KALRN: variants seen among roughly 807,000 people sequenced by gnomAD.
KALRN encodes the protein kalirin RhoGEF kinase.
A neutral mutation model predicts 353.7 loss-of-function variants in KALRN; 70 were observed. That is an observed-to-expected ratio of 0.20 (90% CI 0.16 to 0.24). The LOEUF (loss-of-function observed/expected upper bound fraction) is 0.24, where lower values mean the gene tolerates loss of function less well. Ranked by LOEUF, KALRN falls within the 10% of genes least tolerant of loss-of-function variation. The pLI is 1.00. For missense variants in KALRN, 2,791 were observed against 3,756.7 expected (o/e 0.74, Z 6.72); for synonymous variants, 1,391 against 1,434.8 (o/e 0.97, Z 0.69).
intron 11 of KALRN, 90 bp from the exon 12 acceptor site, chr3:124,395,045 T>C: frequency 1.1e-6 from 1 of 938,014 alleles, no homozygotes; most frequent in Non-Finnish European, 1.7e-6. Context: ...TGAGAGTAAG[T>C]TGGGTGATTC....
intron 1 of KALRN, among the ~76,000 whole-genome samples, chr3:124,070,354 A>C (rs1371050655): frequency 6.6e-6 from 1 of 152,178 alleles, no homozygotes; most frequent in Non-Finnish European, 1.5e-5. Context: ...GTCCTTGCAG[A>C]ACCTGCTGGC....
chr3:124,693,929 A>G (rs1327591612), intron 52 of KALRN, 98 bp downstream of exon 52: 1 of 829,232 alleles, frequency 1.2e-6, no homozygotes, highest in Non-Finnish European at 1.9e-6. Context: ...ATGGTGATAT[A>G]GTTCTGTATC....
At position 124,661,907 on chromosome 3, in the gene KALRN, A is replaced by G. The variant is rs2084923134; in HGVS notation, c.6324A>G (p.Leu2108=). The G allele has an allele frequency of 6.2e-7, 1 of 1,613,954 alleles. No homozygotes were observed. Among genetic ancestry groups the G allele is most frequent in the Non-Finnish European group, 8.5e-7 (1 of 1,179,940 alleles). The change falls in exon 45 of 60, where the codon CTA becomes CTG. Residue 2108 remains leucine, a synonymous_variant. Coordinates refer to ENST00000682506, the MANE Select transcript of KALRN (RefSeq NM_001388419.1). The stretch of plus-strand genomic sequence containing the variant: ...AACGCTGCAATGACATGATGAATCT[A>G]GGACGTCTGCAGGGCTTTGAGGTGA... The part of the protein sequence containing the change: ...VPKRCNDMMN[L]GRLQGFEGTL...
In KALRN at chr3:124,496,432, C is replaced by A; in HGVS notation, c.4935+19C>A. ...TGACAAGGTAGGACAGAGTCCTAAC[C>A]TTCCTTCCCCTGAGACTTCTTGATG... is the stretch of plus-strand genomic sequence containing the variant. On this transcript the variant is annotated intron_variant, in intron 33 of 59. Transcript: ENST00000682506. 1.3e-6 allele frequency: 2 copies of A among 1,555,134 alleles called. No individual in the cohort carries two copies. Among genetic ancestry groups the A allele is most frequent in the Non-Finnish European group, 1.8e-6 (2 of 1,126,342 alleles).
chr3:124,329,334 A>G (rs554421205), intron 7 of KALRN, among the ~76,000 whole-genome samples: 103 of 152,252 alleles, frequency 6.8e-4, no homozygotes, highest in African/African-American at 2.5e-3. Flanking sequence ...AGACCTGTTG[A>G]GGGCAGTTTC....
chr3:124,413,609 A>T lies in KALRN; in HGVS notation c.2486A>T (p.Glu829Val). The T allele has an allele frequency of 6.2e-7, 1 of 1,614,136 alleles. No individual in the cohort carries two copies. The highest frequency in any genetic ancestry group is 8.5e-7 in the Non-Finnish European group (1 of 1,180,016). ...CTAGCCATGAACAACATGACCTTTG[A>T]GGTTATCCAGCAGGGACAGGATCTG... The part of the protein sequence containing the change: ...RKLAMNNMTF[E>V]VIQQGQDLHQ... Residue 829 changes from glutamate (E) to valine (V), a missense_variant, in exon 14 of 60, where the codon GAG becomes GTG. Coordinates refer to ENST00000682506, the MANE Select transcript of KALRN (RefSeq NM_001388419.1).
chr3:124,046,599 C>G (rs1188985235), intron 1 of KALRN, among the ~76,000 whole-genome samples: 1 of 152,212 alleles, frequency 6.6e-6, no homozygotes, highest in Non-Finnish European at 1.5e-5. Context: ...CTGACTCTTG[C>G]TCAGCCCTGG....
intron 34 of KALRN, among the ~76,000 whole-genome samples, chr3:124,623,291 GC>G (rs1328861729): frequency 6.6e-6 from 1 of 151,520 alleles, no homozygotes; most frequent in East Asian, 1.9e-4. Flanking sequence ...GAGCCGGTGC[GC>G]CTGGCCTATG....
At chr3:124,158,125 C>T (rs1462234212) in intron 1 of KALRN, among the ~76,000 whole-genome samples, 1 of 152,202 alleles carries the variant, frequency 6.6e-6, no homozygotes, top group Non-Finnish European at 1.5e-5. Context: ...CCGTCACACT[C>T]AGGGTTTGTT....
At chr3:124,174,362 A>G (rs1222704524) in intron 1 of KALRN, among the ~76,000 whole-genome samples, 1 of 152,086 alleles carries the variant, frequency 6.6e-6, no homozygotes, top group Middle Eastern at 3.2e-3. Context: ...TGAACCCGGG[A>G]GGCAGAGGTT....
rs529603650 is a variant in KALRN at position 124,717,514 on chromosome 3, G to A, written c.8415+129G>A. On this transcript the variant is annotated intron_variant, in intron 59 of 59. Transcript: ENST00000682506. ...ATCCTGGCTGACACGGTGAAACCCC[G>A]TCTCTACTAAAAATACAAAAAATAC... 256 of 520,880 alleles carry A rather than the reference G, an allele frequency of 4.9e-4. 1 individual carries two copies. The highest frequency in any genetic ancestry group is 2.2e-3 in the South Asian group (55 of 25,166). 32.3% of individuals were successfully genotyped at this position (520,880 alleles called of 1,614,324 possible).
intron 15 of KALRN, among the ~76,000 whole-genome samples, chr3:124,423,780 A>G (rs1217005839): frequency 6.6e-6 from 1 of 152,230 alleles, no homozygotes; most frequent in Non-Finnish European, 1.5e-5. Flanking sequence ...CTAAGGAAGA[A>G]GGATCACTTG....
chr3:124,114,320 G>T (rs553394909), intron 1 of KALRN, among the ~76,000 whole-genome samples: 2 of 152,312 alleles, frequency 1.3e-5, no homozygotes, highest in South Asian at 2.1e-4. Flanking sequence ...TTTCCCAGGG[G>T]TTCTTCTTTA....
At position 124,487,373 on chromosome 3, in the gene KALRN, C is replaced by T. The variant is rs146269792; in HGVS notation, c.4285-831C>T. ...ACAAAAGAAAGGACACACTCCCCAG[C>T]TCCCCAGGAGGTAAAAGAAAGAGGG... On this transcript the variant is annotated intron_variant, in intron 28 of 59. Transcript: ENST00000682506. Among the ~76,000 whole-genome samples the T allele has an allele frequency of 2.1e-4, 32 of 152,282 alleles. No individual in the cohort carries two copies. The East Asian group carries it at 5.8e-3, about 28-fold the overall frequency.
chr3:124,334,486 T>G lies in KALRN; in HGVS notation c.1638T>G (p.Asp546Glu). The change falls in exon 9 of 60, where the codon GAT (aspartate) becomes GAG (glutamate). Residue 546 changes from aspartate (D) to glutamate (E), a missense_variant. By Grantham distance (45) the Asp-to-Glu change is conservative (BLOSUM62 2). This residue lies in a region of KALRN where 366 missense variants were observed against 489.2 expected (regional missense o/e 0.75). Coordinates refer to ENST00000682506, the MANE Select transcript of KALRN (RefSeq NM_001388419.1). This position sits in a 1 kb window ranked among gnomAD's most constrained non-coding sequence, Gnocchi z 4.2. ...QRLQLCVFQQ[D>E]VQQVLDWIEN... is the part of the protein sequence containing the mutation. ...TGCAGCTCTGCGTCTTCCAGCAGGA[T>G]GTACAGCAGGTAACAGGCTCTGAGC... The G allele has an allele frequency of 6.2e-7, 1 of 1,612,510 alleles. No homozygotes were observed. The highest frequency in any genetic ancestry group is 8.5e-7 in the Non-Finnish European group (1 of 1,178,862).
At chr3:124,355,513 G>A (rs926659748) in intron 10 of KALRN, among the ~76,000 whole-genome samples, 1 of 152,166 alleles carries the variant, frequency 6.6e-6, no homozygotes, top group East Asian at 1.9e-4. Context: ...TCCCATAGAT[G>A]AAATAAGAAT....
chr3:124,272,886 G>A (rs2074314983), intron 5 of KALRN, among the ~76,000 whole-genome samples: 1 of 152,186 alleles, frequency 6.6e-6, no homozygotes, highest in African/African-American at 2.4e-5. Flanking sequence ...TGGAATAAGG[G>A]CTGTGAGTGT....
chr3:124,719,157 A>C lies in KALRN; in HGVS notation c.8648A>C (p.Glu2883Ala). 6.2e-7 allele frequency: 1 copy of C among 1,614,256 alleles called. No homozygotes were observed. The highest frequency in any genetic ancestry group is 8.5e-7 in the Non-Finnish European group (1 of 1,180,050). ...MLSGVSPFLD[E>A]SKEETCINVC... ...AGTGGGGTCTCCCCCTTCTTGGATG[A>C]GAGCAAAGAGGAGACATGTATCAAC... The change falls in exon 60 of 60, where the codon GAG becomes GCG. Residue 2883 changes from glutamate (E) to alanine (A), a missense_variant. Glu to Ala is a moderately radical substitution (Grantham distance 107, BLOSUM62 -1). This residue lies in a region of KALRN where 188 missense variants were observed against 402.9 expected (regional missense o/e 0.47). Transcript: ENST00000682506. This position sits in a 1 kb window ranked among gnomAD's most constrained non-coding sequence, Gnocchi z 5.3.
At chr3:124,375,853 T>G (rs1333816929) in intron 10 of KALRN, among the ~76,000 whole-genome samples, 1 of 152,132 alleles carries the variant, frequency 6.6e-6, no homozygotes, top group Admixed American at 6.5e-5. Context: ...AGAGAGTTAT[T>G]GAGAAAGAAA....
Sources: gnomAD v4.1 joint callset for allele counts (sites outside exome capture counted in the v4.1 genomes callset) on GRCh38, gnomAD v4.1.1 for gene constraint, gnomAD v4.1.1 regional missense constraint, Gnocchi (gnomAD v3.1) non-coding constraint, MANE v1.5 for transcripts, NCBI Gene and HGNC (gene_info 2026-07-23, HGNC 2026-07-21) for gene names.